Variants in ANK3 observed in about 807,000 individuals in gnomAD.
ANK3 encodes ankyrin 3.
ANK3 carries 57 observed loss-of-function variants against 370.9 expected under a neutral mutation model. The ratio of observed to expected loss-of-function variants is 0.15; its 90% CI spans 0.12 to 0.19. The LOEUF is 0.19. Among genes scored for constraint, ANK3 ranks in the 10% least tolerant of loss-of-function variants. The pLI is 1.00. For missense variants in ANK3, 4,439 were observed against 5,302.1 expected, an observed-to-expected ratio of 0.84 and a Z score of 5.06; for synonymous variants, 1,929 against 1,946.3, an observed-to-expected ratio of 0.99 and a Z score of 0.23.
At chr10:60,089,238 A>G (rs1468182158) in intron 28 of ANK3, among the ~76,000 whole-genome samples, 1 of 152,164 alleles carries the variant, frequency 6.6e-6, no homozygotes, top group Admixed American at 6.5e-5. Flanking sequence ...ACTTTCCTCC[A>G]TAGTCCTAAC....
At chr10:60,268,877 T>C (rs1052639805) in intron 5 of ANK3, among the ~76,000 whole-genome samples, 4 of 152,212 alleles carry the variant, frequency 2.6e-5, no homozygotes, top group South Asian at 2.1e-4. Context: ...TAAATTAGTA[T>C]TTGACTATAA....
At chr10:60,114,946 T>C (rs376727213) in intron 25 of ANK3, among the ~76,000 whole-genome samples, 215 of 152,320 alleles carry the variant, frequency 1.4e-3, no homozygotes, top group African/African-American at 5.1e-3. Context: ...AACAGATTTG[T>C]ACTTTTAACC....
At position 60,496,700 on chromosome 10, in the gene ANK3, C is replaced by T. The variant is rs1015958847; in HGVS notation, c.96+118486G>A. 3.5e-5 allele frequency among the ~76,000 whole-genome samples: 5 copies of T among 142,570 alleles called. 1 individual carries two copies. The South Asian group carries it at 8.8e-4, about 25-fold the overall frequency. 93.5% of individuals were successfully genotyped at this position (142,570 alleles called of 152,430 possible). Reference sequence around the variant, plus strand: ...CAAGATAAGAGACTTGTTCAACTCTCATTTGGTATTCTCTGCATAACTTTT... The same window carrying T: ...CAAGATAAGAGACTTGTTCAACTCTTATTTGGTATTCTCTGCATAACTTTT... On this transcript the variant is annotated intron_variant, in intron 2 of 43. Transcript: ENST00000373827.
At chr10:60,608,726 C>T (rs544378257) in intron 2 of ANK3, among the ~76,000 whole-genome samples, 23 of 152,226 alleles carry the variant, frequency 1.5e-4, no homozygotes, top group Non-Finnish European at 4.4e-5. Flanking sequence ...AGTACACAGG[C>T]TAGATAGACA....
chr10:60,152,535 A>G (rs2132253222), intron 23 of ANK3, among the ~76,000 whole-genome samples: 2 of 152,302 alleles, frequency 1.3e-5, no homozygotes, highest in South Asian at 4.1e-4. Context: ...GCCAGGGACC[A>G]TATCACACAG....
chr10:60,321,979 A>C (rs2048769617), intron 1 of ANK3, among the ~76,000 whole-genome samples: 1 of 152,070 alleles, frequency 6.6e-6, no homozygotes, highest in Non-Finnish European at 1.5e-5. Flanking sequence ...ATGATTCCCT[A>C]GTTTTTGGAC....
chr10:60,436,219 G>A (rs2064155787), intron 2 of ANK3, among the ~76,000 whole-genome samples: 1 of 152,202 alleles, frequency 6.6e-6, no homozygotes, highest in African/African-American at 2.4e-5. Context: ...TTCATCAGTT[G>A]ATGAGTGTTT....
At chr10:60,667,557 A>G (rs2079014253) in intron 1 of ANK3, among the ~76,000 whole-genome samples, 1 of 146,900 alleles carries the variant, frequency 6.8e-6, no homozygotes, top group South Asian at 2.1e-4. Flanking sequence ...CATCGTAGAT[A>G]TAGGAAGCCA....
intron 2 of ANK3, among the ~76,000 whole-genome samples, chr10:60,528,140 T>C (rs1400178625): frequency 2.0e-5 from 3 of 146,520 alleles, no homozygotes; most frequent in African/African-American, 7.5e-5. Context: ...TCTTCTTCTT[T>C]TTTTTTTTTT....
At chr10:60,373,552 G>T (rs894200483) in intron 1 of ANK3, among the ~76,000 whole-genome samples, 3 of 152,178 alleles carry the variant, frequency 2.0e-5, no homozygotes, top group Non-Finnish European at 4.4e-5. Flanking sequence ...TCAGGAGATG[G>T]TAGGAAATTT....
intron 1 of ANK3, among the ~76,000 whole-genome samples, chr10:60,326,518 T>C (rs1392812262): frequency 1.3e-5 from 2 of 152,138 alleles, no homozygotes; most frequent in Non-Finnish European, 2.9e-5. Flanking sequence ...ATATTTGAAC[T>C]TGAAAAAGTA....
intron 18 of ANK3, among the ~76,000 whole-genome samples, chr10:60,176,220 C>T (rs1591294316): frequency 6.6e-6 from 1 of 150,420 alleles, no homozygotes; most frequent in East Asian, 2.0e-4. Context: ...AAACAATTAG[C>T]CGGGCGTGGT....
chr10:60,044,835 A>G (rs1397594232), intron 42 of ANK3: 4 of 152,232 alleles, frequency 2.6e-5, no homozygotes, highest in African/African-American at 9.6e-5. Context: ...TTCATTCACT[A>G]AAGATAATAC....
At chr10:60,064,792 G>A (rs370341756) in intron 38 of ANK3, among the ~76,000 whole-genome samples, 2 of 152,206 alleles carry the variant, frequency 1.3e-5, no homozygotes, top group South Asian at 4.1e-4. Flanking sequence ...AGCCCAGGAG[G>A]CAGGGGGTGC....
chr10:60,116,558 A>G, intron 25 of ANK3, among the ~76,000 whole-genome samples: 1 of 151,644 alleles, frequency 6.6e-6, no homozygotes, highest in East Asian at 2.0e-4. Context: ...GAGAGATGAG[A>G]TATTTTTACA....
At chr10:60,652,693 T>TAAAA (rs35856343) in intron 1 of ANK3, among the ~76,000 whole-genome samples, 9 of 135,628 alleles carry the variant, frequency 6.6e-5, no homozygotes, top group African/African-American at 8.3e-5. Flanking sequence ...AGGCAAAATG[T>TAAAA]AAAAAAAAAA....
At chr10:60,542,571 A>G (rs1287635258) in intron 2 of ANK3, among the ~76,000 whole-genome samples, 3 of 152,062 alleles carry the variant, frequency 2.0e-5, no homozygotes, top group Non-Finnish European at 4.4e-5. Flanking sequence ...AAAGAAATCC[A>G]GAGCCATTTG....
chr10:60,618,505 G>T (rs2078293804), intron 1 of ANK3, among the ~76,000 whole-genome samples: 1 of 152,106 alleles, frequency 6.6e-6, no homozygotes, highest in African/African-American at 2.4e-5. Context: ...AACTCTCATA[G>T]CTTTGGCCAC....
chr10:60,574,558 G>C (rs992922660), intron 2 of ANK3, among the ~76,000 whole-genome samples: 1 of 152,066 alleles, frequency 6.6e-6, no homozygotes, highest in Admixed American at 6.6e-5. Context: ...ATCTCAAGAC[G>C]GCAAAATAAA....
Sources: allele counts gnomAD v4.1 joint callset (sites outside exome capture counted in the v4.1 genomes callset), GRCh38; gene constraint gnomAD v4.1.1; transcripts MANE v1.5; gene names NCBI Gene and HGNC (gene_info 2026-07-23, HGNC 2026-07-21).